Variants in SIPA1L1 observed in about 807,000 individuals in gnomAD.
SIPA1L1 encodes the protein signal induced proliferation associated 1 like 1.
SIPA1L1 carries 26 observed loss-of-function variants against 162.7 expected under a neutral mutation model. The ratio of observed to expected loss-of-function variants is 0.16; its 90% CI spans 0.12 to 0.22. SIPA1L1 has a LOEUF of 0.22. Among genes scored for constraint, SIPA1L1 ranks in the 10% least tolerant of loss-of-function variants. The pLI, the probability that SIPA1L1 is intolerant of heterozygous loss-of-function variation, is 1.00. For synonymous variants in SIPA1L1, 829 were observed against 837.4 expected (o/e 0.99, Z 0.17); for missense variants, 1,874 against 2,241.0 (o/e 0.84, Z 3.31).
At chr14:71,604,712 A>C (rs1167759544) in intron 5 of SIPA1L1, among the ~76,000 whole-genome samples, 2 of 151,840 alleles carry the variant, frequency 1.3e-5, no homozygotes, top group Non-Finnish European at 2.9e-5. Flanking sequence ...AGCACTTCTA[A>C]TATATCTTCC....
At chr14:71,367,365 G>T (rs2038406430) in intron 2 of SIPA1L1, among the ~76,000 whole-genome samples, 1 of 149,006 alleles carries the variant, frequency 6.7e-6, no homozygotes, top group Admixed American at 6.7e-5. Context: ...GGAGTGCAGT[G>T]GCGCGATCTC....
intron 2 of SIPA1L1, among the ~76,000 whole-genome samples, chr14:71,344,463 G>GA (rs2140466342): frequency 6.6e-6 from 1 of 152,336 alleles, no homozygotes; most frequent in African/African-American, 2.4e-5. Context: ...CCCAGTGCCT[G>GA]ACATATAGTA....
At chr14:71,623,619 C>T (rs1288917106) in intron 6 of SIPA1L1, among the ~76,000 whole-genome samples, 3 of 152,076 alleles carry the variant, frequency 2.0e-5, no homozygotes, top group African/African-American at 4.8e-5. Context: ...CTTTATCTCC[C>T]CCTTTTTATA....
chr14:71,575,393 A>G (rs545859995), intron 4 of SIPA1L1, among the ~76,000 whole-genome samples: 11 of 152,348 alleles, frequency 7.2e-5, no homozygotes, highest in African/African-American at 2.4e-4. Flanking sequence ...GACATGTAGA[A>G]GAAGACGTAT....
At chr14:71,471,973 A>C (rs1489911300) in intron 2 of SIPA1L1, among the ~76,000 whole-genome samples, 1 of 152,218 alleles carries the variant, frequency 6.6e-6, no homozygotes, top group East Asian at 1.9e-4. Flanking sequence ...AGGAAGGTAG[A>C]AGCAGTTCAG....
chr14:71,615,097 T>G (rs2038681513), intron 5 of SIPA1L1, among the ~76,000 whole-genome samples: 1 of 152,190 alleles, frequency 6.6e-6, no homozygotes, highest in Non-Finnish European at 1.5e-5. Context: ...CAGTCCCTCT[T>G]TTCAAAGATG....
intron 5 of SIPA1L1, among the ~76,000 whole-genome samples, chr14:71,603,864 G>A (rs555711951): frequency 2.3e-4 from 35 of 149,962 alleles, no homozygotes; most frequent in African/African-American, 7.8e-4. Context: ...GCGGTGAGCC[G>A]AGATTGCACC....
At chr14:71,374,110 T>G (rs982036724) in intron 2 of SIPA1L1, among the ~76,000 whole-genome samples, 2 of 152,200 alleles carry the variant, frequency 1.3e-5, no homozygotes, top group Admixed American at 1.3e-4. Context: ...ATAGAATGCC[T>G]GTGATCATGT....
chr14:71,668,466 A>G (rs1198594526), intron 10 of SIPA1L1, among the ~76,000 whole-genome samples: 1 of 152,226 alleles, frequency 6.6e-6, no homozygotes, highest in African/African-American at 2.4e-5. Context: ...CAAACCACAG[A>G]ATACAAACAA....
chr14:71,738,634 G>A (rs961884726), intron 23 of SIPA1L1, among the ~76,000 whole-genome samples: 11 of 152,072 alleles, frequency 7.2e-5, no homozygotes, highest in African/African-American at 2.2e-4. Flanking sequence ...CCATGTAGTC[G>A]GTGTTATTGG....
At chr14:71,553,480 C>T (rs931824004) in intron 4 of SIPA1L1, among the ~76,000 whole-genome samples, 2 of 152,222 alleles carry the variant, frequency 1.3e-5, no homozygotes, top group African/African-American at 4.8e-5. Flanking sequence ...CCTCTCTTCT[C>T]TTCCTCCTTA....
intron 12 of SIPA1L1, among the ~76,000 whole-genome samples, chr14:71,678,824 T>C (rs2045490580): frequency 6.6e-6 from 1 of 152,116 alleles, no homozygotes; most frequent in South Asian, 2.1e-4. Flanking sequence ...GAGCCTGTTA[T>C]TGGTCTATTC....
intron 2 of SIPA1L1, among the ~76,000 whole-genome samples, chr14:71,430,405 C>G (rs1221686854): frequency 6.6e-6 from 1 of 152,190 alleles, no homozygotes. Flanking sequence ...CCACTTCTTT[C>G]TCCACAATAG....
At chr14:71,579,152 T>C (rs1487439452) in intron 4 of SIPA1L1, among the ~76,000 whole-genome samples, 1 of 152,260 alleles carries the variant, frequency 6.6e-6, no homozygotes, top group African/African-American at 2.4e-5. Context: ...CCGCACCGTT[T>C]ATGATCTTTC....
chr14:71,539,026 T>C (rs2054146379), intron 4 of SIPA1L1, among the ~76,000 whole-genome samples: 1 of 152,180 alleles, frequency 6.6e-6, no homozygotes, highest in Admixed American at 6.5e-5. Context: ...TCAACTGTTT[T>C]TCAGCACAAG....
At chr14:71,490,835 A>T (rs960182421) in intron 2 of SIPA1L1, among the ~76,000 whole-genome samples, 1 of 152,214 alleles carries the variant, frequency 6.6e-6, no homozygotes, top group African/African-American at 2.4e-5. Flanking sequence ...TAAAAAGTAG[A>T]ATTTCTTTAT....
chr14:71,356,828 C>A (rs996205287), intron 2 of SIPA1L1, among the ~76,000 whole-genome samples: 3 of 151,084 alleles, frequency 2.0e-5, no homozygotes, highest in Non-Finnish European at 2.9e-5. Flanking sequence ...GATAGGAAAG[C>A]CAAAGACAGA....
intron 2 of SIPA1L1, chr14:71,330,537 G>C (rs2034403247): frequency 2.7e-6 from 4 of 1,481,720 alleles, no homozygotes; most frequent in Non-Finnish European, 3.8e-6. Context: ...TCACCTTGGA[G>C]ATGAAGATGC....
chr14:71,467,656 G>T (rs1351367230), intron 2 of SIPA1L1, among the ~76,000 whole-genome samples: 1 of 151,982 alleles, frequency 6.6e-6, no homozygotes, highest in Non-Finnish European at 1.5e-5. Flanking sequence ...TAAGTATAAT[G>T]AGTCATTTTG....
Sources: gnomAD v4.1 joint callset for allele counts (sites outside exome capture counted in the v4.1 genomes callset) on GRCh38, gnomAD v4.1.1 for gene constraint, MANE v1.5 for transcripts, NCBI Gene and HGNC (gene_info 2026-07-23, HGNC 2026-07-21) for gene names.